Variants in HDAC6 observed in about 807,000 individuals in gnomAD.
HDAC6 encodes protein deacetylase HDAC6.
In HDAC6, 5 loss-of-function variants were observed where a neutral mutation model predicts 88.9. The ratio of observed to expected loss-of-function variants is 0.06; its 90% CI spans 0.03 to 0.12. HDAC6 has a LOEUF of 0.12. Ranked by LOEUF, HDAC6 falls within the 10% of genes least tolerant of loss-of-function variation. The pLI is 1.00. For synonymous variants in HDAC6, 378 were observed against 398.0 expected (o/e 0.95, Z 0.60); for missense variants, 706 against 1,014.4 (o/e 0.70, Z 4.13).
chrX:48,808,475 C>T, intron 10 of HDAC6, 149 bp downstream of exon 10: 2 of 456,523 alleles, frequency 4.4e-6, no homozygotes, highest in Admixed American at 4.0e-5. Flanking sequence ...TGTGTGTCTG[C>T]CATCTCTCCT....
In HDAC6 at chrX:48,823,167, C is replaced by T. The variant is rs1557030738; in HGVS notation, c.2768C>T (p.Thr923Ile). The part of the protein sequence containing the change: ...AATGGATLAQ[T>I]ISEAAIGGAM... Reference sequence around the variant, plus strand: ...ACAGGGGGAGCCACTCTGGCCCAGACCATTTCTGAGGCAGCCATTGGGGGA... The same window carrying T: ...ACAGGGGGAGCCACTCTGGCCCAGATCATTTCTGAGGCAGCCATTGGGGGA... The change falls in exon 25 of 29, where the codon ACC (threonine) becomes ATC (isoleucine). Residue 923 changes from threonine (T) to isoleucine (I), a missense_variant. Coordinates refer to ENST00000334136, the MANE Select transcript of HDAC6 (RefSeq NM_006044.4). 2.5e-6 allele frequency: 3 copies of T among 1,207,735 alleles called. No homozygotes were observed. The highest frequency in any genetic ancestry group is 3.6e-5 in the South Asian group (2 of 56,161).
In HDAC6 at chrX:48,814,458, C is replaced by T; in HGVS notation, c.825C>T (p.Ile275=). The T allele has an allele frequency of 8.3e-7, 1 of 1,211,350 alleles. No individual in the cohort carries two copies. Among genetic ancestry groups the T allele is most frequent in the Non-Finnish European group, 1.1e-6 (1 of 895,131 alleles). Residue 275 remains isoleucine, a synonymous_variant, in exon 11 of 29, where the codon ATC becomes ATT. Coordinates refer to ENST00000334136, the MANE Select transcript of HDAC6 (RefSeq NM_006044.4). ...DQDPSVLYFS[I]HRYEQGRFWP... ...CCCCCAGTGTCCTCTATTTCTCCAT[C>T]CACCGCTACGAGCAGGGTAGGTTCT... is the stretch of plus-strand genomic sequence containing the variant.
chrX:48,821,218 T>C (rs1206293680), intron 23 of HDAC6, among the ~76,000 whole-genome samples: 1 of 110,311 alleles, frequency 9.1e-6, no homozygotes, highest in Admixed American at 9.8e-5. Flanking sequence ...CTTTTTCTTT[T>C]TTTTTTTGAG....
chrX:48,824,388 T>C, intron 28 of HDAC6, 94 bp downstream of exon 28: 1 of 1,104,680 alleles, frequency 9.1e-7, no homozygotes. Context: ...CAGGCCCCTC[T>C]GCATGGCTGC....
At chrX:48,816,759 C>CG in intron 19 of HDAC6, 126 bp downstream of exon 19, 1 of 81,687 alleles carries the variant, frequency 1.2e-5, no homozygotes, top group Non-Finnish European at 2.1e-5. Context: ...GGGAGGGGCA[C>CG]GGGAGGGGGT....
At chrX:48,824,101 T>C (rs1557031493) in intron 27 of HDAC6, 33 bp downstream of exon 27, 1 of 1,204,333 alleles carries the variant, frequency 8.3e-7, no homozygotes, top group South Asian at 1.8e-5. Context: ...GGGGCGGAGG[T>C]TGGCCCGGGA....
chrX:48,806,490 G>A, intron 7 of HDAC6, 26 bp downstream of exon 7: 1 of 1,111,301 alleles, frequency 9.0e-7, no homozygotes. Flanking sequence ...CTGCGGGCAG[G>A]GAATGGTGGC....
chrX:48,815,318 C>CATT (rs1182121929), intron 14 of HDAC6, 66 bp from the exon 15 acceptor site: 4 of 802,804 alleles, frequency 5.0e-6, no homozygotes, highest in East Asian at 6.9e-5. Context: ...TTATTATCAT[C>CATT]ATTATTATTA....
At chrX:48,808,559 G>A (rs1251280868) in intron 10 of HDAC6, among the ~76,000 whole-genome samples, 1 of 111,717 alleles carries the variant, frequency 9.0e-6, no homozygotes, top group Non-Finnish European at 1.9e-5. Context: ...TACGTTAAGA[G>A]GTCACACAGA....
At chrX:48,810,086 T>A (rs918294939) in intron 10 of HDAC6, among the ~76,000 whole-genome samples, 16 of 107,524 alleles carry the variant, frequency 1.5e-4, no homozygotes, top group East Asian at 2.9e-4. Context: ...TTTTTTTTTT[T>A]AAATTATTAG....
chrX:48,808,336 G>C lies in HDAC6; in HGVS notation c.806+10G>C, dbSNP rs369151284. ...TCGACCAGGACCCCAGGTATACCCC[G>C]ACTCCCACCTAGGTGCTAGACTCCC... On this transcript the variant is annotated intron_variant, in intron 10 of 28. Transcript: ENST00000334136. 1.2e-5 allele frequency: 14 copies of C among 1,176,400 alleles called. No individual in the cohort carries two copies. The highest frequency in any genetic ancestry group is 1.6e-5 in the Non-Finnish European group (14 of 867,694).
intron 10 of HDAC6, 68 bp from the exon 11 acceptor site, chrX:48,814,372 G>T: frequency 8.9e-7 from 1 of 1,123,655 alleles, no homozygotes; most frequent in East Asian, 3.0e-5. Flanking sequence ...ACTGGCAACT[G>T]TTGGGTTGGG....
At position 48,806,777 on chromosome X, in the gene HDAC6, A is replaced by G. The variant is rs1397431810; in HGVS notation, c.632+71A>G. 1.0e-5 allele frequency: 6 copies of G among 574,587 alleles called. No individual in the cohort carries two copies. The East Asian group carries it at 2.1e-4, about 20-fold the overall frequency. The allele number at this position is 574,587 out of a possible 1,213,427, so 47.4% of individuals were successfully genotyped here. A position where few individuals can be genotyped will look rare whatever the true frequency, so the allele number is the denominator to read the frequency against. On this transcript the variant is annotated intron_variant, in intron 8 of 28. Transcript: ENST00000334136. ...TCCTTCAAGTGTAAAATGTATTGAT[A>G]TGGGTAATATATTCATGTGATTCAA...
Position 48,824,228 on chromosome X carries a change from G to C in HDAC6, c.3513G>C (p.Pro1171=). The stretch of plus-strand genomic sequence containing the variant: ...AACACCATGGAAATTCTGGACACCC[G>C]CTGGTCCTCAGCTACATCGACCTGT... ...MLQHHGNSGH[P]LVLSYIDLSA... is the part of the protein sequence containing the mutation. The change falls in exon 28 of 29, where the codon CCG becomes CCC. Residue 1171 remains proline, a synonymous_variant. Transcript: ENST00000334136. The C allele has an allele frequency of 8.3e-7, 1 of 1,210,902 alleles. No individual in the cohort carries two copies. Among genetic ancestry groups the C allele is most frequent in the Non-Finnish European group, 1.1e-6 (1 of 895,002 alleles).
chrX:48,808,129 C>T lies in HDAC6; in HGVS notation c.729C>T (p.Arg243=). ...CCCGCTATGCTCAACAGAAACACCG[C>T]ATCCGGAGGTCAGCAACAGAGGGCA... ...VAARYAQQKH[R]IRRVLIVDWD... The change falls in exon 9 of 29, where the codon CGC becomes CGT. Residue 243 remains arginine, a synonymous_variant. Coordinates refer to ENST00000334136, the MANE Select transcript of HDAC6 (RefSeq NM_006044.4). 1 of 1,200,112 alleles carries T rather than the reference C, an allele frequency of 8.3e-7. No individual in the cohort carries two copies. Among genetic ancestry groups the T allele is most frequent in the Non-Finnish European group, 1.1e-6 (1 of 887,036 alleles).
Position 48,802,158 on chromosome X carries a change from G to A in HDAC6, c.-31+16G>A. On this transcript the variant is annotated intron_variant, in intron 1 of 28. Coordinates refer to ENST00000334136, the MANE Select transcript of HDAC6 (RefSeq NM_006044.4). ...GGAGTGGAAGGTACCGGTCCGGCCCGATAAGGGGTGGAGTTAAGTGAATCG... is the reference window on the plus strand; with the variant it reads ...GGAGTGGAAGGTACCGGTCCGGCCCAATAAGGGGTGGAGTTAAGTGAATCG... 1 of 882,775 alleles carries A rather than the reference G, an allele frequency of 1.1e-6. No homozygotes were observed. The highest frequency in any genetic ancestry group is 1.4e-6 in the Non-Finnish European group (1 of 714,425). The allele number at this position is 882,775 out of a possible 1,213,427, so 72.8% of individuals were successfully genotyped here. A position where few individuals can be genotyped will look rare whatever the true frequency, so the allele number is the denominator to read the frequency against.
At chrX:48,806,327 A>G (rs940586116) in intron 6 of HDAC6, 41 bp from the exon 7 acceptor site, 7 of 897,271 alleles carry the variant, frequency 7.8e-6, no homozygotes, top group Admixed American at 2.2e-5. Context: ...TCAGTTGGGG[A>G]AGAGACAGGG....
intron 20 of HDAC6, 65 bp from the exon 21 acceptor site, chrX:48,817,976 G>T: frequency 9.6e-7 from 1 of 1,042,445 alleles, no homozygotes; most frequent in Non-Finnish European, 1.3e-6. Flanking sequence ...GACCCCAGGG[G>T]TCTAGCCCAG....
At chrX:48,821,100 AG>A (rs1487716108) in intron 23 of HDAC6, among the ~76,000 whole-genome samples, 6 of 110,792 alleles carry the variant, frequency 5.4e-5, no homozygotes, top group Non-Finnish European at 1.1e-4. Flanking sequence ...AGCCTCCCAG[AG>A]TGCTGGAATT....
Sources: allele counts gnomAD v4.1 joint callset (sites outside exome capture counted in the v4.1 genomes callset), GRCh38; gene constraint gnomAD v4.1.1; transcripts MANE v1.5; gene names NCBI Gene and HGNC (gene_info 2026-07-23, HGNC 2026-07-21).